HELLS: variants seen among roughly 807,000 people sequenced by gnomAD.
HELLS encodes helicase, lymphoid specific.
HELLS carries 32 observed loss-of-function variants against 120.0 expected under a neutral mutation model. The observed-to-expected ratio is 0.27, with a 90% CI of 0.20 to 0.36. The LOEUF is 0.36. Ranked by LOEUF, HELLS falls within the 10% of genes least tolerant of loss-of-function variation. HELLS has a pLI of 1.00. For missense variants in HELLS, 650 were observed against 993.4 expected (o/e 0.65, Z 4.65); for synonymous variants, 341 against 323.4 (o/e 1.05, Z -0.58).
At chr10:94,592,346 A>G (rs766552800) in intron 16 of HELLS, 34 bp downstream of exon 16, 1 of 1,583,996 alleles carries the variant, frequency 6.3e-7, no homozygotes, top group Non-Finnish European at 8.6e-7. Flanking sequence ...GGATTGTTCA[A>G]TTATTTTTTT....
At chr10:94,550,807 G>A (rs1476949471) in intron 2 of HELLS, among the ~76,000 whole-genome samples, 4 of 151,990 alleles carry the variant, frequency 2.6e-5, no homozygotes, top group Non-Finnish European at 5.9e-5. Flanking sequence ...GAGGATTATC[G>A]CTTGAGCCTG....
intron 3 of HELLS, among the ~76,000 whole-genome samples, chr10:94,554,578 G>A (rs973856317): frequency 1.1e-4 from 16 of 149,670 alleles, no homozygotes; most frequent in African/African-American, 3.7e-4. Context: ...TGAGTAAATA[G>A]TTGGTCTTCA....
intron 2 of HELLS, among the ~76,000 whole-genome samples, chr10:94,547,054 T>C (rs1212008414): frequency 6.6e-6 from 1 of 152,206 alleles, no homozygotes; most frequent in African/African-American, 2.4e-5. Flanking sequence ...ATTCTTTAGC[T>C]AAAAATGTGC....
chr10:94,582,759 C>G (rs919995175), intron 11 of HELLS, among the ~76,000 whole-genome samples: 1 of 152,028 alleles, frequency 6.6e-6, no homozygotes, highest in Non-Finnish European at 1.5e-5. Flanking sequence ...GCTCACAGTT[C>G]TTGATGGTTC....
In HELLS at chr10:94,558,170, A is replaced by G; in HGVS notation, c.308A>G (p.Lys103Arg). 1 of 1,569,952 alleles carries G rather than the reference A, an allele frequency of 6.4e-7. No individual in the cohort carries two copies. ...EQKKKEKLERKKESLKVKKGK... is the reference protein window; with the variant it reads ...EQKKKEKLERRKESLKVKKGK... ...AAGAAGAAAGAAAAATTGGAGAGAA[A>G]AAAGGAGTCTTTAAAAGTTAAAAAG... The change falls in exon 4 of 22, where the codon AAA becomes AGA. Residue 103 changes from lysine to arginine, a missense_variant. By Grantham distance (26) the Lys-to-Arg change is conservative. This residue lies in a region of HELLS where 113 missense variants were observed against 120.7 expected (regional missense o/e 0.94). Coordinates refer to ENST00000348459, the MANE Select transcript of HELLS (RefSeq NM_018063.5).
chr10:94,567,959 G>T (rs1843917614), intron 6 of HELLS, among the ~76,000 whole-genome samples: 1 of 148,088 alleles, frequency 6.8e-6, no homozygotes, highest in Non-Finnish European at 1.5e-5. Context: ...CGCCAGGCTG[G>T]AATGCAGTGC....
At chr10:94,577,436 T>C (rs996919938) in intron 10 of HELLS, 1 of 157,924 alleles carries the variant, frequency 6.3e-6, no homozygotes, top group African/African-American at 2.4e-5. Context: ...TCTTGCTTGC[T>C]TGGAAATAGG....
At chr10:94,586,202 G>A (rs1461803604) in intron 12 of HELLS, among the ~76,000 whole-genome samples, 1 of 151,790 alleles carries the variant, frequency 6.6e-6, no homozygotes, top group East Asian at 1.9e-4. Flanking sequence ...CTCACTGCAA[G>A]CTGCACCTCC....
At chr10:94,551,930 A>G (rs1205248890) in intron 2 of HELLS, among the ~76,000 whole-genome samples, 13 of 152,026 alleles carry the variant, frequency 8.6e-5, no homozygotes, top group Non-Finnish European at 1.6e-4. Flanking sequence ...TAGTAGAGAC[A>G]GGGTTTCACC....
intron 3 of HELLS, among the ~76,000 whole-genome samples, chr10:94,557,393 C>A (rs1474363523): frequency 6.6e-6 from 1 of 152,070 alleles, no homozygotes; most frequent in Non-Finnish European, 1.5e-5. Flanking sequence ...CAGCATCTAC[C>A]CCTTTCATCA....
chr10:94,588,301 G>T lies in HELLS; in HGVS notation c.1399G>T (p.Val467Phe). 1 of 1,607,882 alleles carries T rather than the reference G, an allele frequency of 6.2e-7. No individual in the cohort carries two copies. Among genetic ancestry groups the T allele is most frequent in the Admixed American group, 1.7e-5 (1 of 59,956 alleles). ...TGAAGTTCCTCCTAAACGAGAAGTA[G>T]TCGTTTATGCTCCACTTTCAAAGAA... ...ALEVPPKREV[V>F]VYAPLSKKQE... The change falls in exon 13 of 22, where the codon GTC (valine) becomes TTC (phenylalanine). Residue 467 changes from valine to phenylalanine, a missense_variant. Transcript: ENST00000348459.
chr10:94,582,385 G>A (rs796450397), intron 11 of HELLS, among the ~76,000 whole-genome samples: 4 of 152,144 alleles, frequency 2.6e-5, no homozygotes, highest in East Asian at 1.9e-4. Flanking sequence ...CCAAGTTTGG[G>A]AACTTCTAGT....
chr10:94,564,308 ACTGT>A (rs1367300914), intron 6 of HELLS, among the ~76,000 whole-genome samples: 4 of 152,192 alleles, frequency 2.6e-5, no homozygotes, highest in Admixed American at 6.5e-5. Context: ...TAGTAAAGAC[ACTGT>A]CTGACCAGAG....
chr10:94,553,010 T>A lies in HELLS; in HGVS notation c.154-1116T>A, dbSNP rs571566919. On this transcript the variant is annotated intron_variant, in intron 2 of 21. Coordinates refer to ENST00000348459, the MANE Select transcript of HELLS (RefSeq NM_018063.5). ...ATCTTGGCTAGATGTCTGTTTTGAT[T>A]GTTAGGATGAATTGTGTTGGTAGTA... Among the ~76,000 whole-genome samples, 9 of 152,190 alleles carry A rather than the reference T, an allele frequency of 5.9e-5. No homozygotes were observed. The South Asian group carries it at 1.9e-3, about 32-fold the overall frequency.
At chr10:94,589,421 C>G (rs1189241710) in intron 13 of HELLS, among the ~76,000 whole-genome samples, 1 of 152,142 alleles carries the variant, frequency 6.6e-6, no homozygotes, top group Non-Finnish European at 1.5e-5. Context: ...TAGGGATGTT[C>G]TACCTGTACA....
downstream of HELLS, among the ~76,000 whole-genome samples, chr10:94,605,771 A>G (rs1461414086): frequency 1.3e-5 from 2 of 150,712 alleles, no homozygotes; most frequent in Admixed American, 1.3e-4. Context: ...AGTTTGGACC[A>G]CAGCCATGCA....
chr10:94,593,186 A>T (rs560240143), intron 17 of HELLS, among the ~76,000 whole-genome samples: 1 of 152,154 alleles, frequency 6.6e-6, no homozygotes, highest in Non-Finnish European at 1.5e-5. Context: ...CTTCTAGTCA[A>T]TTCTCCCCTG....
intron 7 of HELLS, among the ~76,000 whole-genome samples, chr10:94,572,057 A>G (rs967334166): frequency 6.6e-6 from 1 of 152,190 alleles, no homozygotes; most frequent in African/African-American, 2.4e-5. Context: ...ATGAGAGATA[A>G]TCTATTTGGT....
In HELLS at chr10:94,591,281, G is replaced by T. The variant is rs555084538; in HGVS notation, c.1767+505G>T. 6.6e-5 allele frequency among the ~76,000 whole-genome samples: 10 copies of T among 152,148 alleles called. No homozygotes were observed. The East Asian group carries it at 1.9e-3, about 29-fold the overall frequency. ...ACTATTTCTTTTATCATTAATATTT[G>T]GCTTATCAAAATCAGCCTGGTTGCT... On this transcript the variant is annotated intron_variant, in intron 15 of 21. Coordinates refer to ENST00000348459, the MANE Select transcript of HELLS (RefSeq NM_018063.5).
Sources: gnomAD v4.1 joint callset for allele counts (sites outside exome capture counted in the v4.1 genomes callset) on GRCh38, gnomAD v4.1.1 for gene constraint, gnomAD v4.1.1 regional missense constraint, MANE v1.5 for transcripts, NCBI Gene and HGNC (gene_info 2026-07-23, HGNC 2026-07-21) for gene names.